Variants in CCDC149 observed in about 807,000 individuals in gnomAD.
The protein encoded by CCDC149 is coiled-coil domain containing 149.
CCDC149 carries 45 observed loss-of-function variants against 59.9 expected under a neutral mutation model. That is an observed-to-expected ratio of 0.75 (90% confidence interval 0.59 to 0.96). CCDC149 has a LOEUF of 0.96. Ranked by LOEUF, CCDC149 falls within the 40% of genes least tolerant of loss-of-function variation. The pLI is 0.00. For missense variants in CCDC149, 584 were observed against 664.7 expected (o/e 0.88, Z 1.33); for synonymous variants, 245 against 260.6 (o/e 0.94, Z 0.58).
chr4:24,858,604 C>T (rs1405527044), intron 3 of CCDC149, among the ~76,000 whole-genome samples: 1 of 152,072 alleles, frequency 6.6e-6, no homozygotes, highest in Non-Finnish European at 1.5e-5. Context: ...GATTCAAGGC[C>T]GAAAGGATAT....
intron 1 of CCDC149, among the ~76,000 whole-genome samples, chr4:24,906,365 A>AT (rs1721509828): frequency 4.6e-5 from 1 of 21,518 alleles, no homozygotes; most frequent in African/African-American, 7.8e-5. Flanking sequence ...AGCGGAACAA[A>AT]TTTTATTTTA....
intron 1 of CCDC149, among the ~76,000 whole-genome samples, chr4:24,903,662 T>A (rs1721309330): frequency 6.6e-6 from 1 of 152,224 alleles, no homozygotes; most frequent in Non-Finnish European, 1.5e-5. Flanking sequence ...CACAGTCATG[T>A]AACCATCATC....
Position 24,926,568 on chromosome 4 carries a change from T to C in CCDC149, c.-64-31450A>G, listed in dbSNP as rs563728791. On this transcript the variant is annotated intron_variant, in intron 1 of 12. Transcript: ENST00000389609. Reference sequence around the variant, plus strand: ...TTTTCTGTTACAAATGCCTCCCACTTCCAGCTTCCAAATTTCTGTTTCAAT... The same window carrying C: ...TTTTCTGTTACAAATGCCTCCCACTCCCAGCTTCCAAATTTCTGTTTCAAT... Among the ~76,000 whole-genome samples the C allele has an allele frequency of 4.6e-5, 7 of 152,326 alleles. No homozygotes were observed. In the East Asian group the frequency reaches 1.4e-3, roughly 29 times the overall value.
chr4:24,946,817 T>C (rs938224049), intron 1 of CCDC149, among the ~76,000 whole-genome samples: 1 of 152,240 alleles, frequency 6.6e-6, no homozygotes, highest in Non-Finnish European at 1.5e-5. Context: ...TTATTTATGT[T>C]AACTACAGAT....
intron 1 of CCDC149, among the ~76,000 whole-genome samples, chr4:24,890,073 C>A (rs1255282493): frequency 6.6e-6 from 1 of 152,158 alleles, no homozygotes; most frequent in African/African-American, 2.4e-5. Flanking sequence ...GACAGGAAAG[C>A]ATCATTAATA....
intron 1 of CCDC149, among the ~76,000 whole-genome samples, chr4:24,968,384 T>C (rs1312910936): frequency 6.6e-6 from 1 of 152,190 alleles, no homozygotes; most frequent in Non-Finnish European, 1.5e-5. Flanking sequence ...AATGGATGCA[T>C]TCACGGGTAA....
At chr4:24,893,612 A>AATTTTTTTTTTTTTTTTTTTTTT in intron 1 of CCDC149, among the ~76,000 whole-genome samples, 1 of 9,376 alleles carries the variant, frequency 1.1e-4, no homozygotes, top group South Asian at 6.0e-3. Context: ...TAAAATACAG[A>AATTTTTTTTTTTTTTTTTTTTTT]CTTTTTTTTT....
intron 4 of CCDC149, among the ~76,000 whole-genome samples, chr4:24,852,287 T>TACACACACACACACAC (rs768071017): frequency 1.2e-4 from 15 of 121,278 alleles, no homozygotes; most frequent in African/African-American, 3.6e-4. Context: ...CAACACACCA[T>TACACACACACACACAC]ACACACACAC....
chr4:24,836,835 G>C (rs1384295131), intron 6 of CCDC149, among the ~76,000 whole-genome samples: 6 of 152,104 alleles, frequency 3.9e-5, no homozygotes, highest in African/African-American at 1.4e-4. Context: ...GGCGACACCA[G>C]ACATAACATT....
intron 1 of CCDC149, among the ~76,000 whole-genome samples, chr4:24,938,894 G>A (rs563190956): frequency 9.2e-5 from 14 of 152,352 alleles, no homozygotes; most frequent in East Asian, 5.8e-4. Flanking sequence ...CAAAGCGGCC[G>A]GGAAGCTTGA....
chr4:24,874,799 C>CAGTAAA, intron 2 of CCDC149, among the ~76,000 whole-genome samples: 1 of 152,246 alleles, frequency 6.6e-6, no homozygotes, highest in African/African-American at 2.4e-5. Context: ...AGTTAAATGT[C>CAGTAAA]AGTAATAGTG....
chr4:24,979,375 G>A (rs2046394325), intron 1 of CCDC149, among the ~76,000 whole-genome samples: 2 of 152,142 alleles, frequency 1.3e-5, no homozygotes, highest in Non-Finnish European at 1.5e-5. Flanking sequence ...ATAGGCTGCA[G>A]GGAAATGGTC....
intron 4 of CCDC149, among the ~76,000 whole-genome samples, chr4:24,842,883 A>G (rs1277848268): frequency 6.6e-6 from 1 of 152,202 alleles, no homozygotes. Context: ...TTTACCCAAC[A>G]GTGAGAGGCA....
chr4:24,814,517 T>C (rs1426290425), intron 12 of CCDC149, among the ~76,000 whole-genome samples: 2 of 152,190 alleles, frequency 1.3e-5, no homozygotes, highest in African/African-American at 4.8e-5. Flanking sequence ...CAAAGTGTGG[T>C]TCATGGACCA....
chr4:24,877,720 C>A (rs1719551307), intron 1 of CCDC149, among the ~76,000 whole-genome samples: 1 of 152,128 alleles, frequency 6.6e-6, no homozygotes, highest in Non-Finnish European at 1.5e-5. Context: ...TTTGAATTCT[C>A]CCAAACAAGT....
chr4:24,962,488 G>C (rs73105517), intron 1 of CCDC149, among the ~76,000 whole-genome samples: 2 of 152,222 alleles, frequency 1.3e-5, no homozygotes, highest in Admixed American at 1.3e-4. Context: ...TATACCCAGC[G>C]GACTATCCGC....
At chr4:24,840,448 T>C (rs1339414752) in intron 4 of CCDC149, among the ~76,000 whole-genome samples, 1 of 152,252 alleles carries the variant, frequency 6.6e-6, no homozygotes, top group Non-Finnish European at 1.5e-5. Context: ...TTTGCAGTGC[T>C]TTCATGGTCA....
Position 24,837,095 on chromosome 4 carries a change from C to G in CCDC149, c.662+133G>C. Reference sequence around the variant, plus strand: ...ATACATGGCATTGATGTCATCATTTCGGGGGAGTGAGTTTCTTTTCACTTG... The same window carrying G: ...ATACATGGCATTGATGTCATCATTTGGGGGGAGTGAGTTTCTTTTCACTTG... On this transcript the variant is annotated intron_variant, in intron 6 of 12. Transcript: ENST00000635206. This position sits in a 1 kb window ranked among gnomAD's most constrained non-coding sequence, Gnocchi z 4.3. The G allele has an allele frequency of 1.2e-6, 1 of 807,346 alleles. No homozygotes were observed. The allele number at this position is 807,346 out of a possible 1,614,324, so 50.0% of individuals were successfully genotyped here.
Position 24,831,421 on chromosome 4 carries a change from G to A in CCDC149, c.965+85C>T, listed in dbSNP as rs570432072. 8.5e-5 allele frequency: 121 copies of A among 1,423,702 alleles called. No individual in the cohort carries two copies. The East Asian group carries it at 2.2e-3, about 26-fold the overall frequency. 88.2% of individuals were successfully genotyped at this position (1,423,702 alleles called of 1,614,324 possible). A position where few individuals can be genotyped will look rare whatever the true frequency, so the allele number is the denominator to read the frequency against. The stretch of plus-strand genomic sequence containing the variant: ...GTCTCACCTTCCCTGCAGGTCCGTC[G>A]TTCCAGCTGGTTGACATTCACTTCT... On this transcript the variant is annotated intron_variant, in intron 9 of 12. Transcript: ENST00000635206.
Sources: gnomAD v4.1 joint callset for allele counts (sites outside exome capture counted in the v4.1 genomes callset) on GRCh38, gnomAD v4.1.1 for gene constraint, Gnocchi (gnomAD v3.1) non-coding constraint, MANE v1.5 for transcripts, NCBI Gene and HGNC (gene_info 2026-07-23, HGNC 2026-07-21) for gene names.